Variants in PRDM1 observed in about 807,000 individuals in gnomAD.
PRDM1 encodes the protein PR domain zinc finger protein 1.
In PRDM1, 13 loss-of-function variants were observed where a neutral mutation model predicts 62.8. That is an observed-to-expected ratio of 0.21 (90% confidence interval 0.13 to 0.33). PRDM1 has a LOEUF of 0.33. PRDM1 is among the 10% of genes least tolerant of loss of function. The pLI, the probability that PRDM1 is intolerant of heterozygous loss-of-function variation, is 1.00. For synonymous variants in PRDM1, 396 were observed against 417.6 expected (o/e 0.95, Z 0.63); for missense variants, 895 against 1,058.8 (o/e 0.85, Z 2.15).
In PRDM1 at chr6:106,099,302, C is replaced by G. The variant is rs543146834; in HGVS notation, c.414C>G (p.Ile138Met). The G allele has an allele frequency of 1.2e-5, 19 of 1,614,128 alleles. No individual in the cohort carries two copies. In the African/African-American group the frequency reaches 1.2e-4, roughly 10 times the overall value. Residue 138 changes from isoleucine (I) to methionine (M), a missense_variant and splice_region_variant, in exon 4 of 7, where the codon ATC becomes ATG. This residue lies in a region of PRDM1 where 213 missense variants were observed against 283.9 expected (regional missense o/e 0.75). Coordinates refer to ENST00000369096, the MANE Select transcript of PRDM1 (RefSeq NM_001198.4). ...KNANRKYFWR[I>M]YSRGELHHFI... ...TGCCTGTCTTCTCTTTTGGACAGAT[C>G]TATTCCAGAGGGGAGCTTCACCACT...
intron 1 of PRDM1, among the ~76,000 whole-genome samples, chr6:106,021,444 A>G (rs759898219): frequency 9.2e-5 from 14 of 152,192 alleles, no homozygotes; most frequent in Non-Finnish European, 1.6e-4. Flanking sequence ...TCTTGAGTAG[A>G]GTAAGCCCAG....
At chr6:106,084,174 G>A (rs1773747427), upstream of PRDM1, among the ~76,000 whole-genome samples, 1 of 151,390 alleles carries the variant, frequency 6.6e-6, no homozygotes, top group African/African-American at 2.4e-5. Context: ...CAATCACTTT[G>A]AGACAAGAAG....
At chr6:106,102,687 C>T (rs991454772) in intron 4 of PRDM1, among the ~76,000 whole-genome samples, 5 of 152,086 alleles carry the variant, frequency 3.3e-5, no homozygotes, top group African/African-American at 1.2e-4. Context: ...ATGCTTATTG[C>T]ACATTTATGC....
At chr6:106,090,182 C>T (rs188067689) in intron 2 of PRDM1, among the ~76,000 whole-genome samples, 2 of 152,260 alleles carry the variant, frequency 1.3e-5, no homozygotes, top group East Asian at 3.9e-4. Context: ...TACACTGGCC[C>T]CTCTTGGTGT....
At chr6:106,006,327 T>C (rs895679027) in intron 1 of PRDM1, among the ~76,000 whole-genome samples, 3 of 152,228 alleles carry the variant, frequency 2.0e-5, no homozygotes, top group African/African-American at 7.2e-5. Context: ...GTATAAACTT[T>C]ACTTTCGTAG....
intron 1 of PRDM1, among the ~76,000 whole-genome samples, chr6:106,063,846 G>A (rs1195332706): frequency 5.3e-5 from 8 of 152,162 alleles, no homozygotes; most frequent in Non-Finnish European, 4.4e-5. Flanking sequence ...TCTTCATTGT[G>A]TCAGTGTGGC....
chr6:105,998,904 TATATATATATATATATATATATATATA>T (rs1163066739), intron 1 of PRDM1, among the ~76,000 whole-genome samples: 2 of 4,420 alleles, frequency 4.5e-4, no homozygotes, highest in Non-Finnish European at 7.8e-4. Context: ...TATATATATA[TATATATATATATATATATATATATATA>T]TATTTTTTTT....
chr6:105,993,245 T>A (rs1483857743), upstream of PRDM1, among the ~76,000 whole-genome samples: 1 of 152,224 alleles, frequency 6.6e-6, no homozygotes, highest in Non-Finnish European at 1.5e-5. Flanking sequence ...TAGGTTCTCT[T>A]ACAAAGACTT....
rs532125258 is a variant in PRDM1 at position 106,088,103 on chromosome 6, T to G, written c.43-98T>G. 2.2e-5 allele frequency: 32 copies of G among 1,438,072 alleles called. No individual in the cohort carries two copies. The African/African-American group carries it at 3.9e-4, about 17-fold the overall frequency. 89.1% of individuals were successfully genotyped at this position (1,438,072 alleles called of 1,614,324 possible). A position where few individuals can be genotyped will look rare whatever the true frequency, so the allele number is the denominator to read the frequency against. On this transcript the variant is annotated intron_variant, in intron 1 of 6. Coordinates refer to ENST00000369096, the MANE Select transcript of PRDM1 (RefSeq NM_001198.4). Reference sequence around the variant, plus strand: ...TGTACCAAGCACTCTGCATCTGCTTTTAAAGTCTTCAGACTACTGTATTAG... The same window carrying G: ...TGTACCAAGCACTCTGCATCTGCTTGTAAAGTCTTCAGACTACTGTATTAG...
At chr6:106,059,537 T>C (rs1773314226) in intron 1 of PRDM1, among the ~76,000 whole-genome samples, 1 of 152,244 alleles carries the variant, frequency 6.6e-6, no homozygotes, top group South Asian at 2.1e-4. Flanking sequence ...CCTTGGCAAG[T>C]AAGGAGCTTT....
chr6:106,081,802 C>G (rs1462353352), upstream of PRDM1, among the ~76,000 whole-genome samples: 1 of 152,152 alleles, frequency 6.6e-6, no homozygotes, highest in Non-Finnish European at 1.5e-5. Flanking sequence ...TTCAGGGAAG[C>G]ACACGGTGGC....
chr6:106,021,593 C>T (rs544903392), intron 1 of PRDM1, among the ~76,000 whole-genome samples: 49 of 152,178 alleles, frequency 3.2e-4, no homozygotes, highest in Non-Finnish European at 5.9e-4. Context: ...GGAACATTCA[C>T]CTCCTCTTCT....
At chr6:106,068,100 T>C (rs1309076057) in intron 1 of PRDM1, among the ~76,000 whole-genome samples, 2 of 152,038 alleles carry the variant, frequency 1.3e-5, no homozygotes, top group African/African-American at 4.8e-5. Flanking sequence ...CCTGTTCTTT[T>C]TTTTTTTTGA....
At chr6:106,053,072 G>T (rs1773205296) in intron 1 of PRDM1, among the ~76,000 whole-genome samples, 1 of 151,974 alleles carries the variant, frequency 6.6e-6, no homozygotes, top group African/African-American at 2.4e-5. Context: ...TTTTGGAGTA[G>T]AATTTTATTT....
chr6:106,096,000 C>T (rs1046036781), intron 3 of PRDM1: 3 of 350,584 alleles, frequency 8.6e-6, no homozygotes, highest in Non-Finnish European at 1.1e-5. Context: ...TGAAAGGAAA[C>T]AGTTTGTTGC....
chr6:106,040,464 A>G (rs1360547967), intron 1 of PRDM1, among the ~76,000 whole-genome samples: 1 of 152,178 alleles, frequency 6.6e-6, no homozygotes. Context: ...AGGCTCTCAG[A>G]TAGTCTGCTT....
intron 1 of PRDM1, among the ~76,000 whole-genome samples, chr6:106,068,254 G>A (rs762533922): frequency 2.0e-5 from 3 of 152,062 alleles, no homozygotes; most frequent in African/African-American, 4.8e-5. Flanking sequence ...ACGACGCCCA[G>A]CCAATTTTTG....
intron 1 of PRDM1, among the ~76,000 whole-genome samples, chr6:106,054,852 T>C (rs552401716): frequency 6.6e-6 from 1 of 152,348 alleles, no homozygotes; most frequent in South Asian, 2.1e-4. Flanking sequence ...ATGAGAATAG[T>C]GTATATGTGT....
intron 1 of PRDM1, among the ~76,000 whole-genome samples, chr6:106,050,101 C>T (rs1184455279): frequency 6.6e-6 from 1 of 152,136 alleles, no homozygotes; most frequent in African/African-American, 2.4e-5. Flanking sequence ...GAAAAGTCAC[C>T]TCATCTTACT....
Sources: gnomAD v4.1 joint callset for allele counts (sites outside exome capture counted in the v4.1 genomes callset) on GRCh38, gnomAD v4.1.1 for gene constraint, gnomAD v4.1.1 regional missense constraint, MANE v1.5 for transcripts, NCBI Gene and HGNC (gene_info 2026-07-23, HGNC 2026-07-21) for gene names.